Variants in TMEM132D observed in about 807,000 individuals in gnomAD.
TMEM132D encodes the protein transmembrane protein 132D.
TMEM132D carries 21 observed loss-of-function variants against 62.3 expected under a neutral mutation model. That is an observed-to-expected ratio of 0.34 (90% CI 0.24 to 0.49). The LOEUF is 0.49. TMEM132D is among the 20% of genes least tolerant of loss of function. The pLI, the probability that TMEM132D is intolerant of heterozygous loss-of-function variation, is 0.99. For missense variants in TMEM132D, 1,346 were observed against 1,402.8 expected, an observed-to-expected ratio of 0.96 and a Z score of 0.65; for synonymous variants, 621 against 575.6, an observed-to-expected ratio of 1.08 and a Z score of -1.13.
intron 3 of TMEM132D, among the ~76,000 whole-genome samples, chr12:129,461,557 CA>C (rs1399901094): frequency 6.6e-6 from 1 of 152,112 alleles, no homozygotes; most frequent in African/African-American, 2.4e-5. Context: ...AGGATCTCAT[CA>C]TTGTTTTGAC....
chr12:129,492,763 G>A (rs1353088142), intron 3 of TMEM132D, among the ~76,000 whole-genome samples: 3 of 152,140 alleles, frequency 2.0e-5, no homozygotes, highest in Admixed American at 6.5e-5. Context: ...CTAGAGTCAC[G>A]CGAGACTGCT....
At chr12:129,206,839 A>C (rs889251306) in intron 5 of TMEM132D, among the ~76,000 whole-genome samples, 4 of 152,160 alleles carry the variant, frequency 2.6e-5, no homozygotes, top group Non-Finnish European at 5.9e-5. Flanking sequence ...ATCCTAACTA[A>C]TACAGGAATA....
chr12:129,259,845 G>A (rs1880507477), intron 4 of TMEM132D, among the ~76,000 whole-genome samples: 1 of 152,152 alleles, frequency 6.6e-6, no homozygotes. Context: ...AGTTCAAGTT[G>A]ACTTCTTGTA....
intron 1 of TMEM132D, among the ~76,000 whole-genome samples, chr12:129,833,905 T>G (rs1473123457): frequency 6.6e-6 from 1 of 152,196 alleles, no homozygotes; most frequent in East Asian, 1.9e-4. Context: ...ACTATTTTTT[T>G]TTTAATTCAA....
At chr12:129,207,209 C>T (rs1047931784) in intron 5 of TMEM132D, among the ~76,000 whole-genome samples, 37 of 152,030 alleles carry the variant, frequency 2.4e-4, no homozygotes, top group African/African-American at 8.4e-4. Context: ...ACAGCACCGC[C>T]CTCACGGAGC....
At chr12:129,638,326 T>G (rs1879541008) in intron 2 of TMEM132D, among the ~76,000 whole-genome samples, 1 of 152,088 alleles carries the variant, frequency 6.6e-6, no homozygotes, top group Non-Finnish European at 1.5e-5. Flanking sequence ...TACCCCCAAA[T>G]TATGTGACAC....
chr12:129,259,356 C>G (rs1244832891), intron 4 of TMEM132D, among the ~76,000 whole-genome samples: 1 of 152,146 alleles, frequency 6.6e-6, no homozygotes, highest in Non-Finnish European at 1.5e-5. Context: ...ATGAGCAAAC[C>G]TGGGAGAACT....
chr12:129,425,237 C>G (rs1199694264), intron 3 of TMEM132D, among the ~76,000 whole-genome samples: 2 of 152,124 alleles, frequency 1.3e-5, no homozygotes, highest in Non-Finnish European at 2.9e-5. Flanking sequence ...TTAGGTAGAT[C>G]TGTAATTTCA....
intron 1 of TMEM132D, among the ~76,000 whole-genome samples, chr12:129,768,545 T>G (rs4759602): frequency 0.64 from 96,963 of 151,696 alleles, 31,919 homozygotes; most frequent in Middle Eastern, 0.78. Context: ...TAGGTATATG[T>G]ACAAAAGAAT....
intron 4 of TMEM132D, among the ~76,000 whole-genome samples, chr12:129,259,063 C>T (rs1238520214): frequency 1.3e-5 from 2 of 152,158 alleles, no homozygotes; most frequent in African/African-American, 2.4e-5. Context: ...ATTAACCATA[C>T]AGCAGGGTTG....
chr12:129,847,626 G>C (rs965417172), intron 1 of TMEM132D, among the ~76,000 whole-genome samples: 1 of 152,108 alleles, frequency 6.6e-6, no homozygotes, highest in Non-Finnish European at 1.5e-5. Flanking sequence ...GTGGAGTACA[G>C]ATACCTGACA....
chr12:129,318,650 C>T (rs1381935080), intron 4 of TMEM132D, among the ~76,000 whole-genome samples: 1 of 152,082 alleles, frequency 6.6e-6, no homozygotes, highest in Non-Finnish European at 1.5e-5. Flanking sequence ...TGGAGAGGGA[C>T]CAGCAGTGGG....
In TMEM132D at chr12:129,409,912, G is replaced by C. The variant is rs114199217; in HGVS notation, c.1116-72095C>G. ...GACATAGCAGAGACTCTGCTTGATG[G>C]GGACTATGAGTTAACGTAGACTTCT... On this transcript the variant is annotated intron_variant, in intron 3 of 8. Transcript: ENST00000422113. Among the ~76,000 whole-genome samples the C allele has an allele frequency of 6.8e-3, 1,041 of 152,278 alleles. 14 individuals carry two copies. The highest frequency in any genetic ancestry group is 0.023 in the African/African-American group (936 of 41,558).
intron 1 of TMEM132D, among the ~76,000 whole-genome samples, chr12:129,788,452 TAAC>T (rs1871302764): frequency 1.3e-5 from 2 of 152,234 alleles, no homozygotes; most frequent in South Asian, 4.1e-4. Flanking sequence ...GATCTCCACT[TAAC>T]TATTTTTCAA....
chr12:129,749,331 C>T (rs1245777025), intron 1 of TMEM132D, among the ~76,000 whole-genome samples: 2 of 152,200 alleles, frequency 1.3e-5, no homozygotes, highest in Non-Finnish European at 2.9e-5. Context: ...GGAGGCCACA[C>T]ACACACGTGC....
intron 5 of TMEM132D, among the ~76,000 whole-genome samples, chr12:129,116,917 G>A (rs1296608877): frequency 1.9e-3 from 26 of 14,016 alleles, no homozygotes; most frequent in Middle Eastern, 0.083. Context: ...GAAAATTTCC[G>A]CAAAAAAAAA....
chr12:129,494,627 C>T (rs563848225), intron 3 of TMEM132D, among the ~76,000 whole-genome samples: 1 of 152,162 alleles, frequency 6.6e-6, no homozygotes, highest in African/African-American at 2.4e-5. Context: ...TTCTATTCCT[C>T]TGCCTCTGCT....
At chr12:129,494,795 T>A (rs1041287338) in intron 3 of TMEM132D, among the ~76,000 whole-genome samples, 10 of 152,134 alleles carry the variant, frequency 6.6e-5, no homozygotes, top group African/African-American at 2.4e-4. Context: ...ATCCAATCCT[T>A]ACCTACCTCT....
At chr12:129,350,581 A>G (rs1264648664) in intron 3 of TMEM132D, among the ~76,000 whole-genome samples, 1 of 152,218 alleles carries the variant, frequency 6.6e-6, no homozygotes, top group Non-Finnish European at 1.5e-5. Context: ...ACTTTTGGGT[A>G]TAAGTTGGAA....
Sources: gnomAD v4.1 joint callset for allele counts (sites outside exome capture counted in the v4.1 genomes callset) on GRCh38, gnomAD v4.1.1 for gene constraint, MANE v1.5 for transcripts, NCBI Gene and HGNC (gene_info 2026-07-23, HGNC 2026-07-21) for gene names.